Variants in USP47 observed in about 807,000 individuals in gnomAD.
The protein encoded by USP47 is ubiquitin specific peptidase 47, also known as ubiquitin carboxyl-terminal hydrolase 47.
USP47 carries 35 observed loss-of-function variants against 165.1 expected under a neutral mutation model. The observed-to-expected ratio is 0.21, with a 90% CI of 0.16 to 0.28. The LOEUF is 0.28. USP47 is among the 10% of genes least tolerant of loss of function. The pLI, the probability that USP47 is intolerant of heterozygous loss-of-function variation, is 1.00. For synonymous variants in USP47, 531 were observed against 544.5 expected, an observed-to-expected ratio of 0.98 and a Z score of 0.35; for missense variants, 1,277 against 1,607.4, an observed-to-expected ratio of 0.79 and a Z score of 3.52.
intron 8 of USP47, among the ~76,000 whole-genome samples, chr11:11,914,235 A>G (rs1335865459): frequency 1.3e-5 from 2 of 151,932 alleles, no homozygotes; most frequent in Non-Finnish European, 2.9e-5. Flanking sequence ...TAGAATAGAA[A>G]ACCCAGAAAT....
At chr11:11,954,160 G>C (rs1856407321) in intron 25 of USP47, among the ~76,000 whole-genome samples, 1 of 152,146 alleles carries the variant, frequency 6.6e-6, no homozygotes, top group Non-Finnish European at 1.5e-5. Flanking sequence ...TGAAGCTGGA[G>C]AACTGCTTGA....
chr11:11,844,593 G>A (rs1467682541), intron 1 of USP47, among the ~76,000 whole-genome samples: 1 of 152,028 alleles, frequency 6.6e-6, no homozygotes, highest in African/African-American at 2.4e-5. Flanking sequence ...ATTTTACAGA[G>A]CCCTACATGT....
chr11:11,880,627 A>T (rs929662487), intron 2 of USP47, among the ~76,000 whole-genome samples: 101 of 152,144 alleles, frequency 6.6e-4, no homozygotes, highest in African/African-American at 2.4e-3. Context: ...ATGAAAGGTG[A>T]CTCTCATAAT....
At chr11:11,870,754 T>C (rs1442179128) in intron 1 of USP47, among the ~76,000 whole-genome samples, 2 of 152,248 alleles carry the variant, frequency 1.3e-5, no homozygotes, top group Non-Finnish European at 2.9e-5. Context: ...TTCTGTTCTT[T>C]CTCTTTTGAT....
chr11:11,958,772 C>G lies in USP47; in HGVS notation c.*2597C>G, dbSNP rs552651467. On this transcript the variant is annotated 3_prime_UTR_variant, in exon 28 of 28. Transcript: ENST00000527733. ...AAAAGCTGTGGTTTCAGGACCATGC[C>G]GTGTGTAGCTGATCTGTACGGGACG... 4.6e-5 allele frequency: 7 copies of G among 152,254 alleles called. No individual in the cohort carries two copies. In the East Asian group the frequency reaches 1.4e-3, roughly 29 times the overall value. 9.4% of individuals were successfully genotyped at this position (152,254 alleles called of 1,614,324 possible).
At chr11:11,943,588 A>T (rs1165325499) in intron 20 of USP47, 2 of 152,098 alleles carry the variant, frequency 1.3e-5, no homozygotes, top group African/African-American at 2.4e-5. Context: ...CGCTCTTAAA[A>T]TTTTTTCTGT....
At chr11:11,927,143 T>C (rs752891246) in intron 11 of USP47, among the ~76,000 whole-genome samples, 4 of 152,110 alleles carry the variant, frequency 2.6e-5, no homozygotes, top group Non-Finnish European at 5.9e-5. Flanking sequence ...CTTGCTTGCA[T>C]GGTTTATAAT....
chr11:11,948,716 T>C, intron 22 of USP47, 158 bp downstream of exon 22: 2 of 598,690 alleles, frequency 3.3e-6, no homozygotes, highest in East Asian at 5.6e-5. Context: ...TCTGTTGCAG[T>C]TACTCACTTC....
chr11:11,893,845 T>C (rs941973596), intron 4 of USP47, among the ~76,000 whole-genome samples: 1 of 152,202 alleles, frequency 6.6e-6, no homozygotes, highest in African/African-American at 2.4e-5. Flanking sequence ...CCAGGTTTTG[T>C]TTTAATGTCA....
intron 20 of USP47, among the ~76,000 whole-genome samples, chr11:11,946,568 A>G (rs1855856407): frequency 6.6e-6 from 1 of 152,232 alleles, no homozygotes; most frequent in South Asian, 2.1e-4. Context: ...CATTTATCAG[A>G]GTAAAGTGAC....
chr11:11,901,508 A>T (rs2134444051), intron 5 of USP47, among the ~76,000 whole-genome samples: 1 of 152,276 alleles, frequency 6.6e-6, no homozygotes, highest in South Asian at 2.1e-4. Flanking sequence ...TTCAGTTGGG[A>T]ATTCACTTGT....
chr11:11,927,907 A>C (rs920549703), intron 11 of USP47, among the ~76,000 whole-genome samples: 2 of 152,050 alleles, frequency 1.3e-5, no homozygotes, highest in African/African-American at 4.8e-5. Flanking sequence ...AATTATTGCA[A>C]TTGGGAACCC....
intron 1 of USP47, among the ~76,000 whole-genome samples, chr11:11,864,047 G>C (rs1204450255): frequency 6.6e-6 from 1 of 152,036 alleles, no homozygotes; most frequent in African/African-American, 2.4e-5. Flanking sequence ...AGTGGAAGGA[G>C]CTAGAAAATA....
intron 1 of USP47, among the ~76,000 whole-genome samples, chr11:11,861,391 C>T (rs944129461): frequency 5.3e-5 from 8 of 152,130 alleles, no homozygotes; most frequent in African/African-American, 1.4e-4. Context: ...CTACCACACC[C>T]GGCCCCATCC....
intron 12 of USP47, among the ~76,000 whole-genome samples, chr11:11,929,812 C>T (rs575727023): frequency 1.1e-4 from 17 of 152,216 alleles, no homozygotes; most frequent in African/African-American, 3.9e-4. Context: ...TTCCTCTGGG[C>T]CTGAACCTTC....
intron 8 of USP47, among the ~76,000 whole-genome samples, chr11:11,913,932 G>A (rs1194324966): frequency 6.6e-6 from 1 of 151,960 alleles, no homozygotes; most frequent in Non-Finnish European, 1.5e-5. Context: ...GAAACATACT[G>A]TACTTATTAA....
Position 11,948,551 on chromosome 11 carries a change from A to T in USP47, c.3341A>T (p.Glu1114Val), listed in dbSNP as rs1856002821. The change falls in exon 22 of 28, where the codon GAA becomes GTA. Residue 1114 changes from glutamate (E) to valine (V), a missense_variant. Around this residue, in one of 4 missense-constraint regions of USP47, gnomAD observed 909 missense variants for 1,068.1 expected, o/e 0.85. Coordinates refer to ENST00000527733, the MANE Select transcript of USP47 (RefSeq NM_001282659.2). ...AAAGTATACCAGCTTTTGGTCAATG[A>T]ACAAGAGGTAAGTAATACGTTTAAG... Reference protein sequence around the residue: ...RVKVYQLLVNEQEPCKFLLDA... With the variant: ...RVKVYQLLVNVQEPCKFLLDA... The T allele has an allele frequency of 5.0e-6, 8 of 1,608,558 alleles. No homozygotes were observed. The highest frequency in any genetic ancestry group is 6.8e-6 in the Non-Finnish European group (8 of 1,175,266).
intron 8 of USP47, among the ~76,000 whole-genome samples, chr11:11,914,120 A>G (rs1395173323): frequency 2.0e-5 from 3 of 152,116 alleles, no homozygotes; most frequent in Non-Finnish European, 2.9e-5. Context: ...ACCAGTCTAC[A>G]TGATTTGGAA....
Position 11,936,453 on chromosome 11 carries a change from G to A in USP47, c.2020G>A (p.Asp674Asn). ...TGGCGTCAAGTCAACATATATGTTT[G>A]ATCTGCTGTTGGAGACGAGAAAGCC... ...LGGVKSTYMF[D>N]LLLETRKPDQ... The change falls in exon 17 of 28, where the codon GAT becomes AAT. Residue 674 changes from aspartate to asparagine, a missense_variant. By Grantham distance (23) the Asp-to-Asn change is conservative. Transcript: ENST00000527733. 6.2e-7 allele frequency: 1 copy of A among 1,608,216 alleles called. No homozygotes were observed. The highest frequency in any genetic ancestry group is 8.5e-7 in the Non-Finnish European group (1 of 1,176,174).
Sources: allele counts gnomAD v4.1 joint callset (sites outside exome capture counted in the v4.1 genomes callset), GRCh38; gene constraint gnomAD v4.1.1; regional missense constraint gnomAD v4.1.1; transcripts MANE v1.5; gene names NCBI Gene and HGNC (gene_info 2026-07-23, HGNC 2026-07-21).